The following DNAH9 variants were observed in gnomAD, a reference collection of about 807,000 sequenced individuals.
DNAH9 encodes dynein axonemal heavy chain 9.
A neutral mutation model predicts 471.6 loss-of-function variants in DNAH9; 345 were observed. That is an observed-to-expected ratio of 0.73 (90% CI 0.67 to 0.80). The LOEUF (loss-of-function observed/expected upper bound fraction) is 0.80. Ranked by LOEUF, DNAH9 falls within the 30% of genes least tolerant of loss-of-function variation. DNAH9 has a pLI of 0.00. For missense variants in DNAH9, 5,407 were observed against 5,609.2 expected, an observed-to-expected ratio of 0.96 and a Z score of 1.15; for synonymous variants, 2,093 against 2,123.6, an observed-to-expected ratio of 0.99 and a Z score of 0.40.
intron 53 of DNAH9, among the ~76,000 whole-genome samples, chr17:11,878,770 G>A (rs996537399): frequency 2.0e-5 from 3 of 152,078 alleles, no homozygotes; most frequent in African/African-American, 7.2e-5. Context: ...GCCCAGGCTG[G>A]TCTCAAACTC....
intron 17 of DNAH9, among the ~76,000 whole-genome samples, chr17:11,677,822 T>A (rs903139863): frequency 1.3e-5 from 2 of 152,182 alleles, no homozygotes; most frequent in East Asian, 3.9e-4. Context: ...GCTGTTCTAA[T>A]GCTTACCACT....
chr17:11,921,466 A>G (rs979019752), intron 61 of DNAH9, among the ~76,000 whole-genome samples: 3 of 152,056 alleles, frequency 2.0e-5, no homozygotes, highest in African/African-American at 7.2e-5. Context: ...AGGTGACACC[A>G]CCATATGTAG....
chr17:11,935,075 C>T (rs1974661650), intron 65 of DNAH9, among the ~76,000 whole-genome samples: 1 of 151,186 alleles, frequency 6.6e-6, no homozygotes, highest in Middle Eastern at 3.3e-3. Flanking sequence ...GCTATTCTCC[C>T]TGCCTCAGCC....
intron 50 of DNAH9, among the ~76,000 whole-genome samples, chr17:11,863,672 G>A (rs1182441316): frequency 1.1e-3 from 170 of 150,852 alleles, no homozygotes; most frequent in African/African-American, 2.6e-3. Flanking sequence ...TGGTTGGTAA[G>A]CTATTGATTA....
intron 39 of DNAH9, among the ~76,000 whole-genome samples, chr17:11,781,841 AAAC>A (rs1489135001): frequency 6.9e-6 from 1 of 145,784 alleles, no homozygotes; most frequent in East Asian, 2.0e-4. Flanking sequence ...TAAAAAAAAA[AAAC>A]AAACAAAAAA....
rs1261043570 is a variant in DNAH9, at chr17:11,892,379, A to T, written c.11283+432A>T. Among the ~76,000 whole-genome samples, 1 of 152,152 alleles carries T rather than the reference A, an allele frequency of 6.6e-6. No homozygotes were observed. Among genetic ancestry groups the T allele is most frequent in the East Asian group, 1.9e-4 (1 of 5,196 alleles). On this transcript the variant is annotated intron_variant, in intron 58 of 68. Transcript: ENST00000262442. This position sits in a 1 kb window ranked among gnomAD's most constrained non-coding sequence, Gnocchi z 4.3. ...TTTACTGATGCAGCCATCCCCCGGG[A>T]TAAGAAATTGCACAGGTCTTTCCAC...
At chr17:11,742,382 A>G in intron 30 of DNAH9, 69 bp downstream of exon 30, 3 of 1,506,536 alleles carry the variant, frequency 2.0e-6, no homozygotes, top group Non-Finnish European at 2.7e-6. Context: ...AAGTTCTGGA[A>G]CAAATGTATT....
At position 11,937,018 on chromosome 17, in the gene DNAH9, G is replaced by A. The variant is rs1240910954; in HGVS notation, c.12490-334G>A. Among the ~76,000 whole-genome samples the A allele has an allele frequency of 1.3e-5, 2 of 152,194 alleles. No individual in the cohort carries two copies. The highest frequency in any genetic ancestry group is 4.8e-5 in the African/African-American group (2 of 41,452). On this transcript the variant is annotated intron_variant, in intron 65 of 68. Transcript: ENST00000262442. The surrounding 1 kb of genome is among the most constrained non-coding windows in gnomAD (Gnocchi z 4.1). ...GGGATTCGTATTTTTGAAAGACTAT[G>A]AGAAGTCCTCCTCTGGTCTGCAGGA...
At chr17:11,810,122 G>T (rs549395169) in intron 44 of DNAH9, 124 bp from the exon 45 acceptor site, 2 of 1,224,718 alleles carry the variant, frequency 1.6e-6, no homozygotes, top group Admixed American at 2.6e-5. Flanking sequence ...GCTTCCCATT[G>T]TCACCTTACT....
At chr17:11,694,275 G>A (rs1028857982) in intron 21 of DNAH9, 46 bp from the exon 22 acceptor site, 1 of 1,606,268 alleles carries the variant, frequency 6.2e-7, no homozygotes, top group Non-Finnish European at 8.5e-7. Flanking sequence ...TGTATCCATG[G>A]GTCTAGACAT....
At position 11,623,347 on chromosome 17, in the gene DNAH9, C is replaced by T. The variant is rs1440786638; in HGVS notation, c.1350+3566C>T. Among the ~76,000 whole-genome samples, 5 of 152,022 alleles carry T rather than the reference C, an allele frequency of 3.3e-5. No homozygotes were observed. The highest frequency in any genetic ancestry group is 1.2e-4 in the African/African-American group (5 of 41,384). ...TCTTCCTCCCTTTTCACTTGGTCCCCCTTTCACTTTGTTCTCCTTCTCTAT... is the reference window on the plus strand; with the variant it reads ...TCTTCCTCCCTTTTCACTTGGTCCCTCTTTCACTTTGTTCTCCTTCTCTAT... On this transcript the variant is annotated intron_variant, in intron 6 of 68. Transcript: ENST00000262442. This position sits in a 1 kb window ranked among gnomAD's most constrained non-coding sequence, Gnocchi z 4.1.
intron 28 of DNAH9, among the ~76,000 whole-genome samples, chr17:11,730,951 A>ATGG (rs1491212626): frequency 7.5e-6 from 1 of 133,146 alleles, no homozygotes; most frequent in African/African-American, 2.8e-5. Flanking sequence ...GGTGATGATG[A>ATGG]TGATGGTGGT....
At chr17:11,706,769 A>G (rs2074710016) in intron 26 of DNAH9, among the ~76,000 whole-genome samples, 1 of 152,198 alleles carries the variant, frequency 6.6e-6, no homozygotes, top group Admixed American at 6.5e-5. Context: ...GCATTCATTA[A>G]TTGTTAAAAT....
chr17:11,720,766 C>T (rs1478185507), intron 27 of DNAH9, among the ~76,000 whole-genome samples: 3 of 152,126 alleles, frequency 2.0e-5, no homozygotes, highest in East Asian at 3.9e-4. Flanking sequence ...CATGTTTTCT[C>T]GTGTTAAGTA....
intron 22 of DNAH9, 49 bp downstream of exon 22, chr17:11,694,496 C>T (rs751545466): frequency 6.2e-7 from 1 of 1,607,266 alleles, no homozygotes; most frequent in Non-Finnish European, 8.5e-7. Context: ...CTGAGGGGTG[C>T]CCAGCAGGAG....
intron 51 of DNAH9, among the ~76,000 whole-genome samples, chr17:11,871,028 TA>T (rs1488663394): frequency 1.3e-5 from 2 of 152,076 alleles, no homozygotes; most frequent in African/African-American, 4.8e-5. Context: ...CAGTCCTCTG[TA>T]GAAAGAATGG....
chr17:11,853,132 A>T, intron 49 of DNAH9: 1 of 151,716 alleles, frequency 6.6e-6, no homozygotes, highest in Non-Finnish European at 1.5e-5. Flanking sequence ...TGTGGTATAG[A>T]ACTGGAAACT....
chr17:11,767,356 C>T (rs1396051640), intron 36 of DNAH9, among the ~76,000 whole-genome samples: 1 of 152,142 alleles, frequency 6.6e-6, no homozygotes, highest in Non-Finnish European at 1.5e-5. Flanking sequence ...TTATAACGTC[C>T]CCTTGATCTA....
chr17:11,789,499 G>A (rs1968990124), intron 41 of DNAH9, among the ~76,000 whole-genome samples: 1 of 151,872 alleles, frequency 6.6e-6, no homozygotes, highest in African/African-American at 2.4e-5. Flanking sequence ...TTAAATATCT[G>A]CTGTATCTGA....
Sources: gnomAD v4.1 joint callset for allele counts (sites outside exome capture counted in the v4.1 genomes callset) on GRCh38, gnomAD v4.1.1 for gene constraint, Gnocchi (gnomAD v3.1) non-coding constraint, MANE v1.5 for transcripts, NCBI Gene and HGNC (gene_info 2026-07-23, HGNC 2026-07-21) for gene names.